Variants in CMTM6 observed in about 807,000 individuals in gnomAD.
CMTM6 encodes CKLF-like MARVEL transmembrane domain-containing protein 6.
CMTM6 carries 5 observed loss-of-function variants against 13.6 expected under a neutral mutation model. The ratio of observed to expected loss-of-function variants is 0.37; its 90% CI spans 0.19 to 0.77. The LOEUF (loss-of-function observed/expected upper bound fraction) is 0.77. CMTM6 is among the 30% of genes least tolerant of loss of function. The pLI is 0.50. For synonymous variants in CMTM6, 99 were observed against 84.5 expected (o/e 1.17, Z -0.94); for missense variants, 196 against 218.6 (o/e 0.90, Z 0.65).
rs1410910537 is a variant in CMTM6 at position 32,483,236 on chromosome 3, A to C, written c.*724T>G. The C allele has an allele frequency of 6.6e-6, 1 of 152,648 alleles. No homozygotes were observed. The highest frequency in any genetic ancestry group is 2.4e-5 in the African/African-American group (1 of 41,466). The allele number at this position is 152,648 out of a possible 1,614,324, so 9.5% of individuals were successfully genotyped here. A position where few individuals can be genotyped will look rare whatever the true frequency, so the allele number is the denominator to read the frequency against. On this transcript the variant is annotated 3_prime_UTR_variant, in exon 4 of 4. Transcript: ENST00000205636. ...TCCATTTTTTTATGTGTTACAAAACAATCTTTTTTTTACTTGACATCAACA... is the reference window on the plus strand; with the variant it reads ...TCCATTTTTTTATGTGTTACAAAACCATCTTTTTTTTACTTGACATCAACA...
intron 2 of CMTM6, among the ~76,000 whole-genome samples, chr3:32,491,017 C>T (rs1224477467): frequency 6.6e-6 from 1 of 152,178 alleles, no homozygotes; most frequent in African/African-American, 2.4e-5. Context: ...TCTGTATCCT[C>T]TTAATATATA....
intron 2 of CMTM6, among the ~76,000 whole-genome samples, chr3:32,491,063 T>C (rs1697246692): frequency 6.6e-6 from 1 of 152,250 alleles, no homozygotes; most frequent in African/African-American, 2.4e-5. Context: ...GTCATTGTCA[T>C]AGAAATTCCT....
intron 1 of CMTM6, among the ~76,000 whole-genome samples, chr3:32,494,930 G>T (rs1361241614): frequency 1.3e-5 from 2 of 151,992 alleles, no homozygotes; most frequent in African/African-American, 4.8e-5. Context: ...GATTGTGGTG[G>T]TAATTATAGA....
chr3:32,487,724 T>C, intron 3 of CMTM6: 1 of 411,450 alleles, frequency 2.4e-6, no homozygotes, highest in Non-Finnish European at 4.4e-6. Context: ...AGTAAGTGGA[T>C]TTTTTTTAAA....
At chr3:32,485,930 T>G (rs775133228) in intron 3 of CMTM6, among the ~76,000 whole-genome samples, 35 of 152,324 alleles carry the variant, frequency 2.3e-4, no homozygotes, top group Non-Finnish European at 4.3e-4. Flanking sequence ...TACACTGGAG[T>G]GCAGTGGCAC....
chr3:32,494,271 A>C (rs1697271500), intron 1 of CMTM6, among the ~76,000 whole-genome samples: 1 of 152,202 alleles, frequency 6.6e-6, no homozygotes, highest in Admixed American at 6.5e-5. Flanking sequence ...CGAAACCATC[A>C]AAATGACTGA....
At chr3:32,485,081 T>G (rs555722000) in intron 3 of CMTM6, among the ~76,000 whole-genome samples, 20 of 151,548 alleles carry the variant, frequency 1.3e-4, no homozygotes, top group Admixed American at 1.0e-3. Context: ...GGAATCTTTA[T>G]TTTTGACTTG....
intron 2 of CMTM6, 57 bp downstream of exon 2, chr3:32,491,653 A>C: frequency 7.1e-7 from 1 of 1,415,142 alleles, no homozygotes; most frequent in Admixed American, 2.2e-5. Context: ...GAACAATAAA[A>C]TTATGCCAGA....
chr3:32,491,994 A>C, intron 1 of CMTM6, 108 bp from the exon 2 acceptor site: 1 of 924,056 alleles, frequency 1.1e-6, no homozygotes, highest in Non-Finnish European at 1.6e-6. Flanking sequence ...CAATGAGGAG[A>C]CTATGGCAAA....
intron 2 of CMTM6, among the ~76,000 whole-genome samples, chr3:32,489,039 C>A (rs142289312): frequency 6.6e-6 from 1 of 151,796 alleles, no homozygotes; most frequent in Non-Finnish European, 1.5e-5. Flanking sequence ...GAGGCCGAGA[C>A]GGGCAGATCA....
rs4955156 is a variant in CMTM6, at chr3:32,485,794, T to C, written c.415-1697A>G. ...TGAATAGATAAATATAGCCATGCAA[T>C]TCTCTGAACTCCTTTTGAGTTTTCT... On this transcript the variant is annotated intron_variant, in intron 3 of 3. Transcript: ENST00000205636. 0.021 allele frequency among the ~76,000 whole-genome samples: 3,273 copies of C among 152,314 alleles called. 179 individuals carry two copies. In the East Asian group the frequency reaches 0.22, roughly 10 times the overall value.
chr3:32,487,510 T>C (rs1030449775), intron 3 of CMTM6, among the ~76,000 whole-genome samples: 12 of 152,140 alleles, frequency 7.9e-5, no homozygotes, highest in Non-Finnish European at 1.2e-4. Flanking sequence ...ACAACTGCTA[T>C]TGGTTCATTT....
chr3:32,502,781 C>A lies in CMTM6; in HGVS notation c.-36G>T. On this transcript the variant is annotated 5_prime_UTR_variant, in exon 1 of 4. Coordinates refer to ENST00000205636, the MANE Select transcript of CMTM6 (RefSeq NM_017801.3). ...CGGGGAGCGCGGCGGCCGCAGCAAC[C>A]GCGCCGTTGACTTCTCGGACTCCAG... The A allele has an allele frequency of 1.4e-6, 2 of 1,398,440 alleles. No individual in the cohort carries two copies. The highest frequency in any genetic ancestry group is 3.0e-5 in the East Asian group (1 of 33,540). The allele number at this position is 1,398,440 out of a possible 1,614,324, so 86.6% of individuals were successfully genotyped here.
intron 1 of CMTM6, among the ~76,000 whole-genome samples, chr3:32,495,510 TTCTC>T (rs1697282896): frequency 6.6e-6 from 1 of 152,222 alleles, no homozygotes; most frequent in Admixed American, 6.5e-5. Context: ...TTTTAAAAGT[TTCTC>T]TCTGAGAAAT....
chr3:32,499,820 T>C (rs1377508445), intron 1 of CMTM6, among the ~76,000 whole-genome samples: 2 of 146,104 alleles, frequency 1.4e-5, no homozygotes, highest in African/African-American at 5.4e-5. Flanking sequence ...TAATCTCCTC[T>C]GTGTACAGGC....
chr3:32,500,319 A>C (rs1697333932), intron 1 of CMTM6, among the ~76,000 whole-genome samples: 1 of 152,248 alleles, frequency 6.6e-6, no homozygotes, highest in African/African-American at 2.4e-5. Context: ...CCAGGCTGGA[A>C]GACAACTTTT....
Position 32,483,074 on chromosome 3 carries a change from C to T in CMTM6, c.*886G>A, listed in dbSNP as rs909195954. 1 of 152,618 alleles carries T rather than the reference C, an allele frequency of 6.6e-6. No homozygotes were observed. The highest frequency in any genetic ancestry group is 1.5e-5 in the Non-Finnish European group (1 of 68,044). The allele number at this position is 152,618 out of a possible 1,614,324, so 9.5% of individuals were successfully genotyped here. A position where few individuals can be genotyped will look rare whatever the true frequency, so the allele number is the denominator to read the frequency against. ...ATCATATGCCAACAGGGGAATTGAA[C>T]CACTTTCTAAATCATAGTATGAACT... On this transcript the variant is annotated 3_prime_UTR_variant, in exon 4 of 4. Transcript: ENST00000205636.
At chr3:32,495,055 T>C (rs1697279292) in intron 1 of CMTM6, among the ~76,000 whole-genome samples, 2 of 151,858 alleles carry the variant, frequency 1.3e-5, no homozygotes, top group Non-Finnish European at 2.9e-5. Context: ...AATTTCAAAA[T>C]AAAAAGTTAA....
At chr3:32,486,144 G>A (rs1470291803) in intron 3 of CMTM6, among the ~76,000 whole-genome samples, 1 of 152,164 alleles carries the variant, frequency 6.6e-6, no homozygotes, top group Non-Finnish European at 1.5e-5. Flanking sequence ...CCAAAGTGCT[G>A]GGATTACAGG....
Sources: allele counts gnomAD v4.1 joint callset (sites outside exome capture counted in the v4.1 genomes callset), GRCh38; gene constraint gnomAD v4.1.1; transcripts MANE v1.5; gene names NCBI Gene and HGNC (gene_info 2026-07-23, HGNC 2026-07-21).